CPXM2: variants seen among roughly 807,000 people sequenced by gnomAD.
The protein encoded by CPXM2 is carboxypeptidase X, M14 family member 2.
In CPXM2, 66 loss-of-function variants were observed where a neutral mutation model predicts 86.1. That is an observed-to-expected ratio of 0.77 (90% CI 0.63 to 0.94). CPXM2 has a LOEUF of 0.94. Among genes scored for constraint, CPXM2 ranks in the 40% least tolerant of loss-of-function variants. The pLI is 0.00. For synonymous variants in CPXM2, 388 were observed against 400.2 expected, an observed-to-expected ratio of 0.97 and a Z score of 0.36; for missense variants, 948 against 1,026.3, an observed-to-expected ratio of 0.92 and a Z score of 1.04.
At chr10:123,794,989 C>T (rs1438958635) in intron 6 of CPXM2, among the ~76,000 whole-genome samples, 3 of 152,098 alleles carry the variant, frequency 2.0e-5, no homozygotes, top group Admixed American at 6.6e-5. Flanking sequence ...AGGCTGGTCT[C>T]GAACTCCTGA....
intron 10 of CPXM2, among the ~76,000 whole-genome samples, chr10:123,764,292 T>C (rs563787570): frequency 3.7e-4 from 57 of 152,316 alleles, no homozygotes; most frequent in African/African-American, 1.3e-3. Flanking sequence ...TAATCTTTTA[T>C]GATTAATGCC....
In CPXM2 at chr10:123,754,819, G is replaced by A. The variant is rs567145715; in HGVS notation, c.1918-57C>T. The A allele has an allele frequency of 1.2e-4, 114 of 975,176 alleles. No individual in the cohort carries two copies. The highest frequency in any genetic ancestry group is 1.6e-4 in the Non-Finnish European group (98 of 599,354). The allele number at this position is 975,176 out of a possible 1,614,324, so 60.4% of individuals were successfully genotyped here. On this transcript the variant is annotated intron_variant, in intron 12 of 13. Coordinates refer to ENST00000241305, the MANE Select transcript of CPXM2 (RefSeq NM_198148.3). This position sits in a 1 kb window ranked among gnomAD's most constrained non-coding sequence, Gnocchi z 4.0. ...TCACCGACCAGCTCTGGACACAACC[G>A]GCACAACAGAGTGGGCTGTCAACCC...
chr10:123,852,006 G>A (rs1848609733), intron 3 of CPXM2, among the ~76,000 whole-genome samples: 1 of 152,144 alleles, frequency 6.6e-6, no homozygotes, highest in Non-Finnish European at 1.5e-5. Context: ...GAATGCCTGA[G>A]GCCACCAGAC....
chr10:123,777,005 T>A (rs1420577861), intron 7 of CPXM2: 2 of 152,190 alleles, frequency 1.3e-5, no homozygotes, highest in Non-Finnish European at 2.9e-5. Context: ...GCACCGCACC[T>A]GGCCCAATGG....
At chr10:123,937,933 G>C (rs1945738038) in intron 2 of CPXM2, among the ~76,000 whole-genome samples, 1 of 152,156 alleles carries the variant, frequency 6.6e-6, no homozygotes, top group Admixed American at 6.5e-5. Flanking sequence ...TCTGGTGCTA[G>C]AGCCTTGTGG....
upstream of CPXM2, among the ~76,000 whole-genome samples, chr10:123,895,686 C>T (rs370609691): frequency 2.6e-5 from 4 of 152,194 alleles, no homozygotes; most frequent in African/African-American, 9.7e-5. Flanking sequence ...CTGTGAGTCT[C>T]TCCGCGTAGT....
chr10:123,850,636 C>T (rs1848580715), intron 3 of CPXM2, among the ~76,000 whole-genome samples: 1 of 152,270 alleles, frequency 6.6e-6, no homozygotes, highest in East Asian at 1.9e-4. Flanking sequence ...AATGGCCCCA[C>T]AATGCAAGGG....
intron 13 of CPXM2, among the ~76,000 whole-genome samples, chr10:123,747,642 G>A (rs886761273): frequency 2.0e-5 from 3 of 152,124 alleles, no homozygotes; most frequent in African/African-American, 4.8e-5. Flanking sequence ...CTGAGGTGGT[G>A]CCCATGCCTC....
intron 13 of CPXM2, chr10:123,750,491 G>A: frequency 1.0e-6 from 1 of 985,326 alleles, no homozygotes. Context: ...TGTCCCCTTA[G>A]GGAGGGACCC....
intron 13 of CPXM2, chr10:123,750,358 C>T (rs967946198): frequency 1.1e-4 from 106 of 970,802 alleles, no homozygotes; most frequent in Middle Eastern, 5.3e-4. Flanking sequence ...TGCTCCCAGC[C>T]GGCCTCTCTC....
chr10:123,883,802 C>A (rs1945134570), intron 1 of CPXM2, among the ~76,000 whole-genome samples: 3 of 151,970 alleles, frequency 2.0e-5, no homozygotes. Context: ...AGCACACAGG[C>A]CCCCCCTTCA....
intron 13 of CPXM2, among the ~76,000 whole-genome samples, chr10:123,747,750 T>C (rs978982786): frequency 4.6e-5 from 7 of 152,094 alleles, no homozygotes; most frequent in African/African-American, 1.4e-4. Context: ...CGGTGGTTCA[T>C]GCCTGTAATC....
rs1359552864 is a variant in CPXM2 at position 123,745,828 on chromosome 10, A to C, written c.*936T>G. On this transcript the variant is annotated 3_prime_UTR_variant, in exon 14 of 14. Coordinates refer to ENST00000241305, the MANE Select transcript of CPXM2 (RefSeq NM_198148.3). Reference sequence around the variant, plus strand: ...TAATCTGGAAGATCTGGCATTCTACATATCAAAAATAACTCCCAGGCTGAT... The same window carrying C: ...TAATCTGGAAGATCTGGCATTCTACCTATCAAAAATAACTCCCAGGCTGAT... 1.3e-5 allele frequency: 2 copies of C among 152,006 alleles called. No homozygotes were observed. The highest frequency in any genetic ancestry group is 2.9e-5 in the Non-Finnish European group (2 of 68,022). 9.4% of individuals were successfully genotyped at this position (152,006 alleles called of 1,614,324 possible).
At chr10:123,912,391 A>G (rs1165078272) in intron 2 of CPXM2, among the ~76,000 whole-genome samples, 2 of 150,660 alleles carry the variant, frequency 1.3e-5, no homozygotes, top group African/African-American at 2.5e-5. Context: ...GAGAAAAGTG[A>G]GGCCTGTTGC....
In CPXM2 at chr10:123,891,223, G is replaced by A; in HGVS notation, c.304+133C>T. 1.4e-6 allele frequency: 1 copy of A among 732,538 alleles called. No individual in the cohort carries two copies. The highest frequency in any genetic ancestry group is 2.0e-5 in the South Asian group (1 of 49,826). 45.4% of individuals were successfully genotyped at this position (732,538 alleles called of 1,614,324 possible). ...GAAGCGCAGATACAGTCCCTAGGGA[G>A]GCAGAGGCGGCAACAGGGAGATTCC... is the stretch of plus-strand genomic sequence containing the variant. On this transcript the variant is annotated intron_variant, in intron 1 of 13. Coordinates refer to ENST00000241305, the MANE Select transcript of CPXM2 (RefSeq NM_198148.3). The surrounding 1 kb of genome is among the most constrained non-coding windows in gnomAD (Gnocchi z 5.6).
intron 2 of CPXM2, 103 bp downstream of exon 2, chr10:123,880,108 C>T (rs1247835350): frequency 4.5e-5 from 30 of 663,444 alleles, no homozygotes; most frequent in Admixed American, 9.6e-5. Context: ...GCCCCACACT[C>T]GGGAATCTGT....
At chr10:123,925,678 TC>T (rs1238908447) in intron 2 of CPXM2, among the ~76,000 whole-genome samples, 2 of 152,158 alleles carry the variant, frequency 1.3e-5, no homozygotes, top group Non-Finnish European at 2.9e-5. Flanking sequence ...ACACTATGGA[TC>T]CCCCCACCCT....
At chr10:123,897,815 C>T (rs1945349635) in intron 2 of CPXM2, among the ~76,000 whole-genome samples, 1 of 152,250 alleles carries the variant, frequency 6.6e-6, no homozygotes, top group South Asian at 2.1e-4. Flanking sequence ...GAGGAAGATG[C>T]TGCCCCGGCC....
At chr10:123,830,604 A>C (rs1848143598) in intron 4 of CPXM2, among the ~76,000 whole-genome samples, 2 of 152,112 alleles carry the variant, frequency 1.3e-5, no homozygotes, top group South Asian at 4.1e-4. Context: ...TCTCTGCTGG[A>C]ACCATGAGGA....
Sources: allele counts gnomAD v4.1 joint callset (sites outside exome capture counted in the v4.1 genomes callset), GRCh38; gene constraint gnomAD v4.1.1; non-coding constraint Gnocchi (gnomAD v3.1); transcripts MANE v1.5; gene names NCBI Gene and HGNC (gene_info 2026-07-23, HGNC 2026-07-21).